SLC26A5: variants seen among roughly 807,000 people sequenced by gnomAD.
The protein encoded by SLC26A5 is prestin.
Under a neutral mutation model 81.0 loss-of-function variants are expected in SLC26A5, and 51 were observed. That is an observed-to-expected ratio of 0.63 (90% CI 0.50 to 0.80). The LOEUF (loss-of-function observed/expected upper bound fraction) is 0.80. SLC26A5 is among the 30% of genes least tolerant of loss of function. The pLI, the probability that SLC26A5 is intolerant of heterozygous loss-of-function variation, is 0.00. For missense variants in SLC26A5, 771 were observed against 905.8 expected (o/e 0.85, Z 1.91); for synonymous variants, 325 against 332.8 (o/e 0.98, Z 0.25).
chr7:103,356,146 A>G (rs2116165203), intron 19 of SLC26A5, among the ~76,000 whole-genome samples: 1 of 151,496 alleles, frequency 6.6e-6, no homozygotes, highest in South Asian at 2.1e-4. Flanking sequence ...GCAAAGAAAC[A>G]TATCCTGATT....
At chr7:103,425,433 G>A (rs1228028676) in intron 2 of SLC26A5, among the ~76,000 whole-genome samples, 1 of 152,176 alleles carries the variant, frequency 6.6e-6, no homozygotes, top group Admixed American at 6.5e-5. Context: ...ATTTTAACGA[G>A]CAGTTCAAGT....
At chr7:103,397,851 C>T in intron 9 of SLC26A5, 81 bp downstream of exon 9, 1 of 1,032,158 alleles carries the variant, frequency 9.7e-7, no homozygotes, top group Non-Finnish European at 1.5e-6. Context: ...TTTTTCATTG[C>T]AAGAGAACTA....
intron 8 of SLC26A5, among the ~76,000 whole-genome samples, chr7:103,402,893 T>A (rs1301983792): frequency 6.6e-6 from 1 of 152,212 alleles, no homozygotes; most frequent in Non-Finnish European, 1.5e-5. Context: ...GCTCTGATCT[T>A]AGTTATTTCT....
At chr7:103,369,511 A>G (rs955025824), downstream of SLC26A5, 3 of 152,254 alleles carry the variant, frequency 2.0e-5, no homozygotes, top group East Asian at 5.8e-4. Context: ...GACTATCGTG[A>G]TAATTTAGGT....
At chr7:103,385,369 C>T (rs1020531313) in intron 14 of SLC26A5, among the ~76,000 whole-genome samples, 7 of 152,066 alleles carry the variant, frequency 4.6e-5, no homozygotes, top group Admixed American at 4.6e-4. Context: ...CTCCTGACCT[C>T]GTGATCCACC....
Position 103,421,253 on chromosome 7 carries a change from GCATT to G in SLC26A5, c.152+106_152+109del, listed in dbSNP as rs1381946958. 22 of 1,208,956 alleles carry G rather than the reference GCATT, an allele frequency of 1.8e-5. No individual in the cohort carries two copies. The African/African-American group carries it at 3.0e-4, about 17-fold the overall frequency. The allele number at this position is 1,208,956 out of a possible 1,614,324, so 74.9% of individuals were successfully genotyped here. On this transcript the variant is annotated intron_variant, in intron 3 of 19. Transcript: ENST00000306312. ...CAGCTTTGCAAACCATGATGGCTCAGCATTCATTTTTCTCTCCACTTCACCAAAC... is the reference window on the plus strand; with the variant it reads ...CAGCTTTGCAAACCATGATGGCTCAGCATTTTTCTCTCCACTTCACCAAAC...
chr7:103,353,902 A>AT (rs780492229), intron 19 of SLC26A5: 12 of 1,596,710 alleles, frequency 7.5e-6, no homozygotes, highest in Non-Finnish European at 9.4e-6. Context: ...AATCTCACGT[A>AT]TTGTCTCTCT....
In SLC26A5 at chr7:103,388,443, C is replaced by T. The variant is rs187245059; in HGVS notation, c.1514+565G>A. 396 of 172,010 alleles carry T rather than the reference C, an allele frequency of 2.3e-3. 2 individuals carry two copies. The highest frequency in any genetic ancestry group is 2.9e-3 in the Non-Finnish European group (225 of 78,790). The allele number at this position is 172,010 out of a possible 1,614,324, so 10.7% of individuals were successfully genotyped here. ...TTCAAACTCCTGACCTCAAGTGTTC[C>T]GCCTGCCTTGGCCTCTGAAAGTGCT... On this transcript the variant is annotated intron_variant, in intron 14 of 19. Coordinates refer to ENST00000306312, the MANE Select transcript of SLC26A5 (RefSeq NM_198999.3).
At chr7:103,401,292 T>C (rs1823565914) in intron 8 of SLC26A5, among the ~76,000 whole-genome samples, 1 of 152,168 alleles carries the variant, frequency 6.6e-6, no homozygotes, top group Non-Finnish European at 1.5e-5. Flanking sequence ...TCACATCCCT[T>C]ATAAGTTGTA....
rs1437624010 is a variant in SLC26A5, at chr7:103,378,527, CATG to C, written c.1701_1703del (p.Ile567del). 6.2e-7 allele frequency: 1 copy of C among 1,614,120 alleles called. No homozygotes were observed. The highest frequency in any genetic ancestry group is 1.1e-5 in the South Asian group (1 of 91,076). ...TCCGCATGGCCTTTCTCCTTGCTCCCATGATGACTGCTGGGTTCACTCCAGTCT... is the reference window on the plus strand; with the variant it reads ...TCCGCATGGCCTTTCTCCTTGCTCCCATGACTGCTGGGTTCACTCCAGTCT... On this transcript the variant is annotated inframe_deletion, in exon 17 of 20. Coordinates refer to ENST00000306312, the MANE Select transcript of SLC26A5 (RefSeq NM_198999.3).
At chr7:103,356,173 T>C (rs1022053374) in intron 19 of SLC26A5, among the ~76,000 whole-genome samples, 6 of 152,126 alleles carry the variant, frequency 3.9e-5, no homozygotes, top group African/African-American at 4.8e-5. Flanking sequence ...TTTTTAGATA[T>C]AACTACATGT....
intron 7 of SLC26A5, among the ~76,000 whole-genome samples, chr7:103,408,904 C>T (rs1233911838): frequency 6.6e-6 from 1 of 152,136 alleles, no homozygotes; most frequent in Non-Finnish European, 1.5e-5. Flanking sequence ...CCTATCGATG[C>T]CTAGAGTACT....
chr7:103,424,515 A>G lies in SLC26A5; in HGVS notation c.-53-2948T>C, dbSNP rs1825583475. Among the ~76,000 whole-genome samples the G allele has an allele frequency of 2.0e-5, 3 of 152,170 alleles. No individual in the cohort carries two copies. In the South Asian group the frequency reaches 6.2e-4, roughly 31 times the overall value. On this transcript the variant is annotated intron_variant, in intron 2 of 19. Transcript: ENST00000306312. Reference sequence around the variant, plus strand: ...CTTCCTCTCTTTCATCTTATAGATTATGTCTGCTTTGAACTTTTATTATTT... The same window carrying G: ...CTTCCTCTCTTTCATCTTATAGATTGTGTCTGCTTTGAACTTTTATTATTT...
intron 1 of SLC26A5, among the ~76,000 whole-genome samples, chr7:103,444,078 T>C (rs2116887461): frequency 6.6e-6 from 1 of 152,304 alleles, no homozygotes; most frequent in South Asian, 2.1e-4. Context: ...AAACATTTTA[T>C]GAAGTTGGTC....
At chr7:103,422,779 T>C in intron 2 of SLC26A5, among the ~76,000 whole-genome samples, 1 of 152,150 alleles carries the variant, frequency 6.6e-6, no homozygotes, top group East Asian at 1.9e-4. Context: ...AATAAAATAT[T>C]AAATGCACAA....
At chr7:103,426,330 C>A (rs1023310145) in intron 2 of SLC26A5, among the ~76,000 whole-genome samples, 2 of 152,148 alleles carry the variant, frequency 1.3e-5, no homozygotes, top group African/African-American at 4.8e-5. Context: ...TTTTCTAAAG[C>A]ATTAAGATAT....
chr7:103,374,725 A>T, intron 19 of SLC26A5, 133 bp from the exon 20 acceptor site: 1 of 855,704 alleles, frequency 1.2e-6, no homozygotes, highest in Non-Finnish European at 1.7e-6. Flanking sequence ...TTTGAGACAG[A>T]GTCTCACTCT....
At chr7:103,425,226 A>G (rs1825631124) in intron 2 of SLC26A5, among the ~76,000 whole-genome samples, 1 of 152,180 alleles carries the variant, frequency 6.6e-6, no homozygotes, top group Non-Finnish European at 1.5e-5. Flanking sequence ...TTATGTATTA[A>G]AAGTTCCCCA....
At chr7:103,396,040 C>T (rs35650730) in intron 9 of SLC26A5, among the ~76,000 whole-genome samples, 85,297 of 151,954 alleles carry the variant, frequency 0.56, 25,079 homozygotes, top group Middle Eastern at 0.71. Flanking sequence ...GTATTAATTA[C>T]CATGGCCACC....
Sources: gnomAD v4.1 joint callset for allele counts (sites outside exome capture counted in the v4.1 genomes callset) on GRCh38, gnomAD v4.1.1 for gene constraint, MANE v1.5 for transcripts, NCBI Gene and HGNC (gene_info 2026-07-23, HGNC 2026-07-21) for gene names.